MARK4: variants seen among roughly 807,000 people sequenced by gnomAD.
MARK4 encodes microtubule affinity regulating kinase 4.
Under a neutral mutation model 81.5 loss-of-function variants are expected in MARK4, and 19 were observed. The ratio of observed to expected loss-of-function variants is 0.23; its 90% CI spans 0.16 to 0.34. The LOEUF is 0.34. Ranked by LOEUF, MARK4 falls within the 10% of genes least tolerant of loss-of-function variation. MARK4 has a pLI of 1.00. For synonymous variants in MARK4, 436 were observed against 439.0 expected (o/e 0.99, Z 0.08); for missense variants, 772 against 1,058.8 (o/e 0.73, Z 3.76).
At position 45,287,641 on chromosome 19, in the gene MARK4, C is replaced by T. The variant is rs1193799588; in HGVS notation, c.1471C>T (p.Arg491Trp). Residue 491 changes from arginine (R) to tryptophan (W), a missense_variant, in exon 13 of 17, where the codon CGG (arginine) becomes TGG (tryptophan). Arg to Trp is a moderately radical substitution (Grantham distance 101). Coordinates refer to ENST00000262891, the MANE Select transcript of MARK4 (RefSeq NM_001199867.2). ...NPNKAEIPER[R>W]KDSTSTPNNL... ...CAACAAGGCAGAGATCCCAGAGCGG[C>T]GGAAGGACAGCACGAGCACCCCCGT... is the stretch of plus-strand genomic sequence containing the variant. 6.3e-6 allele frequency: 10 copies of T among 1,597,918 alleles called. No individual in the cohort carries two copies. Among genetic ancestry groups the T allele is most frequent in the African/African-American group, 1.3e-5 (1 of 74,624 alleles).
At chr19:45,291,088 C>A (rs1970814612) in intron 13 of MARK4, among the ~76,000 whole-genome samples, 1 of 152,180 alleles carries the variant, frequency 6.6e-6, no homozygotes, top group African/African-American at 2.4e-5. Context: ...TCTTCCCCAG[C>A]CCCGAGACCT....
rs762956455 is a variant in MARK4, at chr19:45,302,416, G to C, written c.1965G>C (p.Leu655=). 3.7e-6 allele frequency: 6 copies of C among 1,613,998 alleles called. No individual in the cohort carries two copies. The South Asian group carries it at 5.5e-5, about 15-fold the overall frequency. Reference sequence around the variant, plus strand: ...ATCAAACGGAAACCGCCCCCCGGCTGCTCCGATTCCCCTGGAGTGTGAAGC... The same window carrying C: ...ATCAAACGGAAACCGCCCCCCGGCTCCTCCGATTCCCCTGGAGTGTGAAGC... ...PWDQTETAPR[L]LRFPWSVKLT... is the part of the protein sequence containing the mutation. The change falls in exon 17 of 17, where the codon CTG becomes CTC. Residue 655 remains leucine (L), a synonymous_variant. Coordinates refer to ENST00000262891, the MANE Select transcript of MARK4 (RefSeq NM_001199867.2). The surrounding 1 kb of genome is among the most constrained non-coding windows in gnomAD (Gnocchi z 4.9).
intron 7 of MARK4, among the ~76,000 whole-genome samples, chr19:45,266,537 C>T (rs1970456406): frequency 6.6e-6 from 1 of 151,784 alleles, no homozygotes; most frequent in South Asian, 2.1e-4. Flanking sequence ...ACAAAGTGTC[C>T]CAAAATGGCC....
At chr19:45,274,630 C>CA (rs1272206059) in intron 8 of MARK4, among the ~76,000 whole-genome samples, 1 of 151,792 alleles carries the variant, frequency 6.6e-6, no homozygotes, top group Admixed American at 6.6e-5. Flanking sequence ...GACTCTGTCT[C>CA]AAAAAAACAA....
In MARK4 at chr19:45,269,605, A is replaced by T. The variant is rs562612798; in HGVS notation, c.550-1867A>T. ...AAGGACCGCAGTTGGGATGGGCCAG[A>T]CGCGGGTGACATTTTGAAAGGTGGA... On this transcript the variant is annotated intron_variant, in intron 7 of 16. Coordinates refer to ENST00000262891, the MANE Select transcript of MARK4 (RefSeq NM_001199867.2). Among the ~76,000 whole-genome samples, 4 of 152,222 alleles carry T rather than the reference A, an allele frequency of 2.6e-5. No individual in the cohort carries two copies. In the South Asian group the frequency reaches 8.3e-4, roughly 32 times the overall value.
chr19:45,287,381 G>A (rs1970756746), intron 12 of MARK4, 66 bp from the exon 13 acceptor site: 4 of 1,144,962 alleles, frequency 3.5e-6, no homozygotes, highest in Non-Finnish European at 3.5e-6. Flanking sequence ...AGGTTCCAAC[G>A]ATCCCCCAGA....
chr19:45,257,712 CAG>C (rs1970326986), intron 1 of MARK4, among the ~76,000 whole-genome samples: 1 of 108,278 alleles, frequency 9.2e-6, no homozygotes, highest in South Asian at 3.1e-4. Context: ...TTTTTTGAGA[CAG>C]AGTCTCGCTC....
At chr19:45,277,829 G>A in intron 8 of MARK4, 94 bp from the exon 9 acceptor site, 5 of 474,434 alleles carry the variant, frequency 1.1e-5, no homozygotes, top group Non-Finnish European at 1.4e-5. Context: ...AAGGTTGTGT[G>A]TGTGTGTGTG....
At chr19:45,285,643 A>G (rs1002604246) in intron 12 of MARK4, among the ~76,000 whole-genome samples, 17 of 152,194 alleles carry the variant, frequency 1.1e-4, no homozygotes, top group Admixed American at 1.1e-3. Context: ...TGACTTTGGT[A>G]TCATATGGTT....
intron 2 of MARK4, among the ~76,000 whole-genome samples, chr19:45,259,920 C>T (rs1158254941): frequency 6.6e-6 from 1 of 151,814 alleles, no homozygotes; most frequent in East Asian, 1.9e-4. Flanking sequence ...AACCCTGTCT[C>T]TATTAAAAAT....
intron 16 of MARK4, among the ~76,000 whole-genome samples, chr19:45,301,261 G>A (rs1485281563): frequency 6.6e-6 from 1 of 152,042 alleles, no homozygotes; most frequent in Non-Finnish European, 1.5e-5. Flanking sequence ...GCAAGACCCT[G>A]TCTCAAAAAA....
At chr19:45,267,098 G>T (rs898981772) in intron 7 of MARK4, among the ~76,000 whole-genome samples, 5 of 151,802 alleles carry the variant, frequency 3.3e-5, no homozygotes, top group Non-Finnish European at 7.4e-5. Flanking sequence ...TCACACTGTT[G>T]CCCAGGCTGG....
chr19:45,259,985 G>T (rs189053533), intron 2 of MARK4, among the ~76,000 whole-genome samples: 8 of 152,050 alleles, frequency 5.3e-5, no homozygotes, highest in Admixed American at 1.3e-4. Context: ...TGCTCAGTAG[G>T]CTGAGCCAGG....
rs1568500534 is a variant in MARK4 at position 45,287,465 on chromosome 19, CCCT to C, written c.1296_1298del (p.Leu433del). The C allele has an allele frequency of 6.8e-7, 1 of 1,469,942 alleles. No homozygotes were observed. The highest frequency in any genetic ancestry group is 1.4e-5 in the South Asian group (1 of 71,980). 91.1% of individuals were successfully genotyped at this position (1,469,942 alleles called of 1,614,324 possible). ...CCCCCAGGTGGCCCATCCCCTGCAC[CCCT>C]GCACCCCAAACGCAGCCCGACGAGC... On this transcript the variant is annotated inframe_deletion, in exon 13 of 17. Transcript: ENST00000262891.
Position 45,280,450 on chromosome 19 carries a change from C to A in MARK4, c.1083C>A (p.Thr361=). Residue 361 remains threonine, a synonymous_variant, in exon 11 of 17, where the codon ACC becomes ACA. Transcript: ENST00000262891. ...CCAGCCAGAAGTACAACGAAGTGAC[C>A]GCCACCTACCTCCTGCTGGGCAGGA... ...SLTSQKYNEV[T]ATYLLLGRKT... The A allele has an allele frequency of 6.2e-7, 1 of 1,614,144 alleles. No individual in the cohort carries two copies. The highest frequency in any genetic ancestry group is 1.7e-5 in the Admixed American group (1 of 60,018).
chr19:45,293,125 T>C (rs963028527), intron 13 of MARK4, among the ~76,000 whole-genome samples: 4 of 152,050 alleles, frequency 2.6e-5, no homozygotes, highest in Non-Finnish European at 2.9e-5. Context: ...AAAAATTAGC[T>C]GGATGTGGTG....
chr19:45,300,826 G>A (rs1599807899), intron 16 of MARK4, among the ~76,000 whole-genome samples: 2 of 152,212 alleles, frequency 1.3e-5, no homozygotes, highest in Admixed American at 6.5e-5. Context: ...AAGTACTCTG[G>A]TTGGTCAGAC....
chr19:45,276,926 C>T (rs1057457160), intron 8 of MARK4, among the ~76,000 whole-genome samples: 5 of 150,254 alleles, frequency 3.3e-5, no homozygotes, highest in East Asian at 2.0e-4. Context: ...TGAGCCACCG[C>T]GCCCAGCCAC....
intron 8 of MARK4, 39 bp from the exon 9 acceptor site, chr19:45,277,884 C>G (rs768083901): frequency 1.3e-6 from 2 of 1,563,660 alleles, no homozygotes; most frequent in African/African-American, 1.4e-5. Flanking sequence ...AGGTGGGGGG[C>G]GGGGCAGACC....
Sources: allele counts gnomAD v4.1 joint callset (sites outside exome capture counted in the v4.1 genomes callset), GRCh38; gene constraint gnomAD v4.1.1; non-coding constraint Gnocchi (gnomAD v3.1); transcripts MANE v1.5; gene names NCBI Gene and HGNC (gene_info 2026-07-23, HGNC 2026-07-21).